The following NKX6-2 variants were observed in gnomAD, a reference collection of about 807,000 sequenced individuals.
NKX6-2 encodes homeobox protein Nkx-6.2.
Under a neutral mutation model 19.9 loss-of-function variants are expected in NKX6-2, and 22 were observed. That is an observed-to-expected ratio of 1.10 (90% CI 0.79 to 1.58). NKX6-2 has a LOEUF of 1.58. Among genes scored for constraint, NKX6-2 ranks in the 40% most tolerant of loss-of-function variants. NKX6-2 has a pLI of 0.00. For missense variants in NKX6-2, 475 were observed against 410.6 expected, an observed-to-expected ratio of 1.16 and a Z score of -1.35; for synonymous variants, 257 against 204.0, an observed-to-expected ratio of 1.26 and a Z score of -2.21.
rs1194004535 is a variant in NKX6-2, at chr10:132,785,568, C to A, written c.381G>T (p.Trp127Cys). The change falls in exon 1 of 3, where the codon TGG (tryptophan) becomes TGT (cysteine). Residue 127 changes from tryptophan to cysteine, a missense_variant. Physicochemically the swap from Trp to Cys is radical, Grantham distance 215. Transcript: ENST00000368592. The surrounding 1 kb of genome is among the most constrained non-coding windows in gnomAD (Gnocchi z 5.5). ...CCGGGCCAGCCAGACGCGGGTCCCTCCAGGGCGCGCCCTGCACCACGCCGG... is the reference window on the plus strand; with the variant it reads ...CCGGGCCAGCCAGACGCGGGTCCCTACAGGGCGCGCCCTGCACCACGCCGG... ...FWPGVVQGAP[W>C]RDPRLAGPAP... The A allele has an allele frequency of 7.5e-6, 10 of 1,329,622 alleles. No individual in the cohort carries two copies. The highest frequency in any genetic ancestry group is 5.6e-4 in the Middle Eastern group (2 of 3,564). 82.4% of individuals were successfully genotyped at this position (1,329,622 alleles called of 1,614,324 possible).
At position 132,785,257 on chromosome 10, in the gene NKX6-2, C is replaced by T. The variant is rs778492137; in HGVS notation, c.579+23G>A. 1.5e-5 allele frequency: 24 copies of T among 1,596,658 alleles called. No homozygotes were observed. The highest frequency in any genetic ancestry group is 2.0e-5 in the Non-Finnish European group (23 of 1,173,216). On this transcript the variant is annotated intron_variant, in intron 2 of 2. Transcript: ENST00000368592. This position sits in a 1 kb window ranked among gnomAD's most constrained non-coding sequence, Gnocchi z 5.5. ...CAGGACGCGGGCCCCCGGCTCTGCT[C>T]TCCCGAGCCCCGCCGCGCTCACCTT...
Position 132,784,884 on chromosome 10 carries a change from C to A in NKX6-2, c.*32G>T. On this transcript the variant is annotated 3_prime_UTR_variant, in exon 3 of 3. Transcript: ENST00000368592. ...CACCCGGGGCCGCCCCCGGATTCTG[C>A]AAAAATAGATTCGCCCCCACCCCGC... The A allele has an allele frequency of 1.3e-6, 2 of 1,592,538 alleles. No homozygotes were observed. Among genetic ancestry groups the A allele is most frequent in the Non-Finnish European group, 1.7e-6 (2 of 1,165,288 alleles).
rs767605991 is a variant in NKX6-2 at position 132,785,311 on chromosome 10, T to C, written c.548A>G (p.Tyr183Cys). ...CTGGCTCTCGGTCATGCCCAGCGAG[T>C]AGGCGAGACGCGCGCGCTCCGGGCC... ...LAGPERARLAYSLGMTESQVK... is the reference protein window; with the variant it reads ...LAGPERARLACSLGMTESQVK... The change falls in exon 2 of 3, where the codon TAC becomes TGC. Residue 183 changes from tyrosine (Y) to cysteine (C), a missense_variant. Coordinates refer to ENST00000368592, the MANE Select transcript of NKX6-2 (RefSeq NM_177400.3). This position sits in a 1 kb window ranked among gnomAD's most constrained non-coding sequence, Gnocchi z 5.5. 1.2e-6 allele frequency: 2 copies of C among 1,605,206 alleles called. No individual in the cohort carries two copies. The highest frequency in any genetic ancestry group is 2.3e-5 in the East Asian group (1 of 43,970).
chr10:132,785,821 G>A lies in NKX6-2; in HGVS notation c.128C>T (p.Pro43Leu), dbSNP rs1259959581. The A allele has an allele frequency of 1.4e-6, 2 of 1,382,252 alleles. No homozygotes were observed. Among genetic ancestry groups the A allele is most frequent in the Non-Finnish European group, 1.9e-6 (2 of 1,065,702 alleles). 85.6% of individuals were successfully genotyped at this position (1,382,252 alleles called of 1,614,324 possible). A position where few individuals can be genotyped will look rare whatever the true frequency, so the allele number is the denominator to read the frequency against. The change falls in exon 1 of 3, where the codon CCC becomes CTC. Residue 43 changes from proline (P) to leucine (L), a missense_variant. Pro to Leu is a moderately conservative substitution (Grantham distance 98). Coordinates refer to ENST00000368592, the MANE Select transcript of NKX6-2 (RefSeq NM_177400.3). This position sits in a 1 kb window ranked among gnomAD's most constrained non-coding sequence, Gnocchi z 5.5. ...CTGCGCGCCCAGGCCCCCCAGCGCG[G>A]GCGCCTTGAAGCCGGCCGGACCCTG... ...ALQGPAGFKA[P>L]ALGGLGAQLP...
rs773335124 is a variant in NKX6-2 at position 132,784,405 on chromosome 10, G to C, written c.*511C>G. 1 of 153,930 alleles carries C rather than the reference G, an allele frequency of 6.5e-6. No individual in the cohort carries two copies. Among genetic ancestry groups the C allele is most frequent in the Non-Finnish European group, 1.4e-5 (1 of 69,398 alleles). The allele number at this position is 153,930 out of a possible 1,614,324, so 9.5% of individuals were successfully genotyped here. On this transcript the variant is annotated 3_prime_UTR_variant, in exon 3 of 3. Coordinates refer to ENST00000368592, the MANE Select transcript of NKX6-2 (RefSeq NM_177400.3). ...CGAAGCCCTCGGCCAAGCGGGAACG[G>C]GTGCCCGGTGGCAACGAGTACGTGG... is the stretch of plus-strand genomic sequence containing the variant.
chr10:132,784,555 G>A lies in NKX6-2; in HGVS notation c.*361C>T, dbSNP rs1847224878. ...TCCGCCCCGAGGCGAGGCGGGCCGG[G>A]CCGTACCTGCTGCTCCGTCCCCGGC... On this transcript the variant is annotated 3_prime_UTR_variant, in exon 3 of 3. Coordinates refer to ENST00000368592, the MANE Select transcript of NKX6-2 (RefSeq NM_177400.3). 4.9e-6 allele frequency: 1 copy of A among 202,540 alleles called. No individual in the cohort carries two copies. Among genetic ancestry groups the A allele is most frequent in the East Asian group, 1.2e-4 (1 of 8,126 alleles). The allele number at this position is 202,540 out of a possible 1,614,324, so 12.5% of individuals were successfully genotyped here. A position where few individuals can be genotyped will look rare whatever the true frequency, so the allele number is the denominator to read the frequency against.
rs1422387528 is a variant in NKX6-2 at position 132,785,153 on chromosome 10, G to C, written c.597C>G (p.Arg199=). ...ESQVKVWFQN[R]RTKWRKRHAV... ...CGTGCCGCTTGCGCCACTTGGTCCG[G>C]CGGTTCTGGAACCAGACCTGGGAGT... Residue 199 remains arginine, a synonymous_variant, in exon 3 of 3, where the codon CGC becomes CGG. Coordinates refer to ENST00000368592, the MANE Select transcript of NKX6-2 (RefSeq NM_177400.3). This position sits in a 1 kb window ranked among gnomAD's most constrained non-coding sequence, Gnocchi z 5.5. 1 of 1,611,530 alleles carries C rather than the reference G, an allele frequency of 6.2e-7. No individual in the cohort carries two copies. The highest frequency in any genetic ancestry group is 8.5e-7 in the Non-Finnish European group (1 of 1,179,622).
Position 132,785,798 on chromosome 10 carries a change from G to A in NKX6-2, c.151C>T (p.Gln51Ter). Residue 51 changes from glutamine (Q) to a stop codon, truncating the protein, a stop_gained, in exon 1 of 3, where the codon CAG (glutamine) becomes TAG (stop). Coordinates refer to ENST00000368592, the MANE Select transcript of NKX6-2 (RefSeq NM_177400.3). LOFTEE classifies it high-confidence loss of function. This position sits in a 1 kb window ranked among gnomAD's most constrained non-coding sequence, Gnocchi z 5.5. ...CCGTGCGGGGTCCCGAGCGGGAGCT[G>A]CGCGCCCAGGCCCCCCAGCGCGGGC... Reference protein sequence around the residue: ...KAPALGGLGAQLPLGTPHGIS... With the variant: ...KAPALGGLGA The A allele has an allele frequency of 4.4e-6, 6 of 1,351,756 alleles. No individual in the cohort carries two copies. The highest frequency in any genetic ancestry group is 3.7e-5 in the South Asian group (2 of 54,000). 83.7% of individuals were successfully genotyped at this position (1,351,756 alleles called of 1,614,324 possible).
Position 132,784,458 on chromosome 10 carries a change from A to G in NKX6-2, c.*458T>C. Reference sequence around the variant, plus strand: ...CCAAAGCGGGAAAACGGAAGAAGAAAAACCTCCCGCGGGGACTCGAGGCGG... The same window carrying G: ...CCAAAGCGGGAAAACGGAAGAAGAAGAACCTCCCGCGGGGACTCGAGGCGG... On this transcript the variant is annotated 3_prime_UTR_variant, in exon 3 of 3. Coordinates refer to ENST00000368592, the MANE Select transcript of NKX6-2 (RefSeq NM_177400.3). 1 of 157,012 alleles carries G rather than the reference A, an allele frequency of 6.4e-6. No individual in the cohort carries two copies. The highest frequency in any genetic ancestry group is 1.4e-5 in the Non-Finnish European group (1 of 71,540). The allele number at this position is 157,012 out of a possible 1,614,324, so 9.7% of individuals were successfully genotyped here. A position where few individuals can be genotyped will look rare whatever the true frequency, so the allele number is the denominator to read the frequency against.
In NKX6-2 at chr10:132,783,907, G is replaced by A. The variant is rs945710177; in HGVS notation, c.*1009C>T. On this transcript the variant is annotated 3_prime_UTR_variant, in exon 3 of 3. Transcript: ENST00000368592. ...CCTTTAACGCTTCCGCAAATGCCAAGAGAAATCGTACCACCGCAGTGATAT... is the reference window on the plus strand; with the variant it reads ...CCTTTAACGCTTCCGCAAATGCCAAAAGAAATCGTACCACCGCAGTGATAT... 4 of 152,318 alleles carry A rather than the reference G, an allele frequency of 2.6e-5. No homozygotes were observed. Among genetic ancestry groups the A allele is most frequent in the Non-Finnish European group, 4.4e-5 (3 of 68,028 alleles). 9.4% of individuals were successfully genotyped at this position (152,318 alleles called of 1,614,324 possible). A position where few individuals can be genotyped will look rare whatever the true frequency, so the allele number is the denominator to read the frequency against.
chr10:132,784,935 C>T lies in NKX6-2; in HGVS notation c.815G>A (p.Gly272Asp). The change falls in exon 3 of 3, where the codon GGC (glycine) becomes GAC (aspartate). Residue 272 changes from glycine to aspartate, a missense_variant. Coordinates refer to ENST00000368592, the MANE Select transcript of NKX6-2 (RefSeq NM_177400.3). The stretch of plus-strand genomic sequence containing the variant: ...GGGTCCTCACAAGGCGTCCCCCGCG[C>T]CGCCGCCGCACGGGCTGACCAGCGC... ...NLALVSPCGGGAGDAL is the reference protein window; with the variant it reads ...NLALVSPCGGDAGDAL 1 of 1,611,940 alleles carries T rather than the reference C, an allele frequency of 6.2e-7. No homozygotes were observed. The highest frequency in any genetic ancestry group is 8.5e-7 in the Non-Finnish European group (1 of 1,179,422).
At position 132,785,616 on chromosome 10, in the gene NKX6-2, C is replaced by A. The variant is rs908994251; in HGVS notation, c.333G>T (p.Pro111=). 1 of 1,243,960 alleles carries A rather than the reference C, an allele frequency of 8.0e-7. No homozygotes were observed. The highest frequency in any genetic ancestry group is 1.0e-6 in the Non-Finnish European group (1 of 997,582). The allele number at this position is 1,243,960 out of a possible 1,614,324, so 77.1% of individuals were successfully genotyped here. A position where few individuals can be genotyped will look rare whatever the true frequency, so the allele number is the denominator to read the frequency against. The part of the protein sequence containing the change: ...RGYPKPLAEL[P]GRPPIFWPGV... ...CGGGCCAGAAGATGGGCGGGCGCCC[C>A]GGCAGCTCGGCCAGGGGCTTGGGGT... Residue 111 remains proline (P), a synonymous_variant, in exon 1 of 3, where the codon CCG becomes CCT. Coordinates refer to ENST00000368592, the MANE Select transcript of NKX6-2 (RefSeq NM_177400.3). This position sits in a 1 kb window ranked among gnomAD's most constrained non-coding sequence, Gnocchi z 5.5.
rs573882320 is a variant in NKX6-2, at chr10:132,784,676, C to T, written c.*240G>A. On this transcript the variant is annotated 3_prime_UTR_variant, in exon 3 of 3. Coordinates refer to ENST00000368592, the MANE Select transcript of NKX6-2 (RefSeq NM_177400.3). ...GCCGCCTCCTCGCGCCTGCCCGGGG[C>T]CCGCAGCCTCCGCACCGGGAACCCG... The T allele has an allele frequency of 1.2e-5, 6 of 501,632 alleles. No individual in the cohort carries two copies. The East Asian group carries it at 2.2e-4, about 18-fold the overall frequency. The allele number at this position is 501,632 out of a possible 1,614,324, so 31.1% of individuals were successfully genotyped here.
rs1470735494 is a variant in NKX6-2 at position 132,784,992 on chromosome 10, C to T, written c.758G>A (p.Arg253Gln). The change falls in exon 3 of 3, where the codon CGG becomes CAG. Residue 253 changes from arginine to glutamine, a missense_variant. By Grantham distance (43) the Arg-to-Gln change is conservative (BLOSUM62 1). Transcript: ENST00000368592. ...CGAGGGTTTGTGCTTCTTGAGCAGC[C>T]GCGTGATCTTCTCGTCGTCCGAGTT... ...DPNSDDEKIT[R>Q]LLKKHKPSNL... 3 of 1,612,612 alleles carry T rather than the reference C, an allele frequency of 1.9e-6. No homozygotes were observed. The highest frequency in any genetic ancestry group is 2.2e-5 in the East Asian group (1 of 44,854).
Position 132,785,267 on chromosome 10 carries a change from C to G in NKX6-2, c.579+13G>C. On this transcript the variant is annotated intron_variant, in intron 2 of 2. Coordinates refer to ENST00000368592, the MANE Select transcript of NKX6-2 (RefSeq NM_177400.3). The surrounding 1 kb of genome is among the most constrained non-coding windows in gnomAD (Gnocchi z 5.5). The stretch of plus-strand genomic sequence containing the variant: ...GCCCCCGGCTCTGCTCTCCCGAGCC[C>G]CGCCGCGCTCACCTTCACCTGGCTC... 1 of 1,601,038 alleles carries G rather than the reference C, an allele frequency of 6.2e-7. No individual in the cohort carries two copies. The highest frequency in any genetic ancestry group is 8.5e-7 in the Non-Finnish European group (1 of 1,175,378).
chr10:132,785,318 G>C lies in NKX6-2; in HGVS notation c.541C>G (p.Leu181Val), dbSNP rs369901030. 124 of 1,606,044 alleles carry C rather than the reference G, an allele frequency of 7.7e-5. No homozygotes were observed. The highest frequency in any genetic ancestry group is 1.7e-4 in the Middle Eastern group (1 of 6,056). Residue 181 changes from leucine (L) to valine (V), a missense_variant, in exon 2 of 3, where the codon CTC becomes GTC. Coordinates refer to ENST00000368592, the MANE Select transcript of NKX6-2 (RefSeq NM_177400.3). This position sits in a 1 kb window ranked among gnomAD's most constrained non-coding sequence, Gnocchi z 5.5. ...TCGGTCATGCCCAGCGAGTAGGCGAGACGCGCGCGCTCCGGGCCCGCCAGG... is the reference window on the plus strand; with the variant it reads ...TCGGTCATGCCCAGCGAGTAGGCGACACGCGCGCGCTCCGGGCCCGCCAGG... ...KYLAGPERARLAYSLGMTESQ... is the reference protein window; with the variant it reads ...KYLAGPERARVAYSLGMTESQ...
rs1488441026 is a variant in NKX6-2, at chr10:132,785,487, CG to C, written c.407-36del. On this transcript the variant is annotated intron_variant, in intron 1 of 2. Transcript: ENST00000368592. This position sits in a 1 kb window ranked among gnomAD's most constrained non-coding sequence, Gnocchi z 5.5. ...AGGGGAAGGGAGGGAGGTCAGCGGC[CG>C]GCGGGGTCCCCCTCCGCGCCCACCC... is the stretch of plus-strand genomic sequence containing the variant. 6.8e-7 allele frequency: 1 copy of C among 1,465,226 alleles called. No individual in the cohort carries two copies. The highest frequency in any genetic ancestry group is 9.0e-7 in the Non-Finnish European group (1 of 1,105,836). The allele number at this position is 1,465,226 out of a possible 1,614,324, so 90.8% of individuals were successfully genotyped here. A position where few individuals can be genotyped will look rare whatever the true frequency, so the allele number is the denominator to read the frequency against.
chr10:132,785,707 C>A lies in NKX6-2; in HGVS notation c.242G>T (p.Arg81Leu). 1 of 1,239,450 alleles carries A rather than the reference C, an allele frequency of 8.1e-7. No homozygotes were observed. The highest frequency in any genetic ancestry group is 1.0e-6 in the Non-Finnish European group (1 of 995,352). The allele number at this position is 1,239,450 out of a possible 1,614,324, so 76.8% of individuals were successfully genotyped here. Reference protein sequence around the residue: ...AGGGLLGGLPRLNGLASSAGV... With the variant: ...AGGGLLGGLPLLNGLASSAGV... ...GGCGGACGACGCGAGCCCGTTGAGC[C>A]GGGGCAGCCCCCCCAGGAGGCCCCC... The change falls in exon 1 of 3, where the codon CGG (arginine) becomes CTG (leucine). Residue 81 changes from arginine (R) to leucine (L), a missense_variant. By Grantham distance (102) the Arg-to-Leu change is moderately radical. Coordinates refer to ENST00000368592, the MANE Select transcript of NKX6-2 (RefSeq NM_177400.3). This position sits in a 1 kb window ranked among gnomAD's most constrained non-coding sequence, Gnocchi z 5.5.
chr10:132,785,091 G>A lies in NKX6-2; in HGVS notation c.659C>T (p.Ser220Leu), dbSNP rs1475821768. The A allele has an allele frequency of 6.2e-6, 10 of 1,610,714 alleles. No individual in the cohort carries two copies. The highest frequency in any genetic ancestry group is 1.1e-5 in the South Asian group (1 of 91,050). The change falls in exon 3 of 3, where the codon TCG becomes TTG. Residue 220 changes from serine to leucine, a missense_variant. Physicochemically the swap from Ser to Leu is moderately radical, Grantham distance 145. Transcript: ENST00000368592. The surrounding 1 kb of genome is among the most constrained non-coding windows in gnomAD (Gnocchi z 5.5). Reference sequence around the variant, plus strand: ...GCCCACCTTCAGCTTCTCGGCGTCCGAGTCCTGCTTCTTCTTGGCCGACGC... The same window carrying A: ...GCCCACCTTCAGCTTCTCGGCGTCCAAGTCCTGCTTCTTCTTGGCCGACGC... ...EMASAKKKQD[S>L]DAEKLKVGGS...
Sources: gnomAD v4.1 joint callset for allele counts on GRCh38, gnomAD v4.1.1 for gene constraint, Gnocchi (gnomAD v3.1) non-coding constraint, MANE v1.5 for transcripts, NCBI Gene and HGNC (gene_info 2026-07-23, HGNC 2026-07-21) for gene names.